The following ABHD2 variants were observed in gnomAD, a reference collection of about 807,000 sequenced individuals.
The protein encoded by ABHD2 is monoacylglycerol lipase ABHD2.
ABHD2 carries 20 observed loss-of-function variants against 48.1 expected under a neutral mutation model. That is an observed-to-expected ratio of 0.42 (90% CI 0.29 to 0.60). The LOEUF (loss-of-function observed/expected upper bound fraction) is 0.60. ABHD2 is among the 20% of genes least tolerant of loss of function. The pLI, the probability that ABHD2 is intolerant of heterozygous loss-of-function variation, is 0.24. For synonymous variants in ABHD2, 209 were observed against 214.2 expected (o/e 0.98, Z 0.21); for missense variants, 405 against 550.9 (o/e 0.74, Z 2.65).
chr15:89,118,114 AG>A (rs1345838483), intron 3 of ABHD2, among the ~76,000 whole-genome samples: 2 of 152,144 alleles, frequency 1.3e-5, no homozygotes, highest in African/African-American at 4.8e-5. Flanking sequence ...AGCTCTGTAA[AG>A]GGTGTGCACG....
chr15:89,127,617 T>C (rs2050148957), intron 3 of ABHD2, among the ~76,000 whole-genome samples: 2 of 151,148 alleles, frequency 1.3e-5, no homozygotes, highest in South Asian at 4.1e-4. Flanking sequence ...TTTTAAAATG[T>C]TGACACCTGC....
Position 89,175,692 on chromosome 15 carries a change from C to A in ABHD2, c.539-120C>A. 2.0e-6 allele frequency: 2 copies of A among 1,015,158 alleles called. No individual in the cohort carries two copies. The highest frequency in any genetic ancestry group is 3.0e-6 in the Non-Finnish European group (2 of 664,262). 62.9% of individuals were successfully genotyped at this position (1,015,158 alleles called of 1,614,324 possible). On this transcript the variant is annotated intron_variant, in intron 5 of 10. Coordinates refer to ENST00000352732, the MANE Select transcript of ABHD2 (RefSeq NM_152924.5). The surrounding 1 kb of genome is among the most constrained non-coding windows in gnomAD (Gnocchi z 5.7). Reference sequence around the variant, plus strand: ...CCCCCGACACACACACGTATATATACACATATATATTTCTCTCTCTTTTAG... The same window carrying A: ...CCCCCGACACACACACGTATATATAAACATATATATTTCTCTCTCTTTTAG...
intron 3 of ABHD2, among the ~76,000 whole-genome samples, chr15:89,150,859 C>T (rs1394944764): frequency 6.6e-6 from 1 of 152,220 alleles, no homozygotes; most frequent in African/African-American, 2.4e-5. Context: ...GTGAAACCAA[C>T]AGCGGTTTCA....
chr15:89,119,962 G>T (rs1404085811), intron 3 of ABHD2, among the ~76,000 whole-genome samples: 1 of 152,180 alleles, frequency 6.6e-6, no homozygotes, highest in Non-Finnish European at 1.5e-5. Context: ...AGGCTGGAAA[G>T]TTCTGTTAAC....
chr15:89,094,043 C>T lies in ABHD2; in HGVS notation c.-107+5480C>T, dbSNP rs1417455125. 6.6e-6 allele frequency: 1 copy of T among 152,198 alleles called. No individual in the cohort carries two copies. Among genetic ancestry groups the T allele is most frequent in the Non-Finnish European group, 1.5e-5 (1 of 68,060 alleles). The allele number at this position is 152,198 out of a possible 1,614,324, so 9.4% of individuals were successfully genotyped here. ...GGAATCTTTAGTCTATTAGTCTAAT[C>T]TAGAGTCCTTACCTTCTGGCCTTTG... On this transcript the variant is annotated intron_variant, in intron 1 of 10. Coordinates refer to ENST00000352732, the MANE Select transcript of ABHD2 (RefSeq NM_152924.5). This position sits in a 1 kb window ranked among gnomAD's most constrained non-coding sequence, Gnocchi z 4.7.
At chr15:89,075,871 G>T in the ABHD2 span, among the ~76,000 whole-genome samples, 2 of 152,226 alleles carry the variant, frequency 1.3e-5, no homozygotes, top group African/African-American at 4.8e-5. The surrounding 1 kb of genome is among the most constrained non-coding windows in gnomAD (Gnocchi z 4.1). Context: ...TGCTTCCCAA[G>T]CAGGGGGCCT....
Position 89,160,508 on chromosome 15 carries a change from T to A in ABHD2, c.538+4974T>A, listed in dbSNP as rs1567097264. On this transcript the variant is annotated intron_variant, in intron 5 of 10. Coordinates refer to ENST00000352732, the MANE Select transcript of ABHD2 (RefSeq NM_152924.5). The stretch of plus-strand genomic sequence containing the variant: ...TGCCTACCTGTTTTTTTTTTTTCTT[T>A]TTTCATTTGAACCAAAGAATTATTG... 2.0e-5 allele frequency among the ~76,000 whole-genome samples: 3 copies of A among 152,302 alleles called. No individual in the cohort carries two copies. The South Asian group carries it at 6.2e-4, about 32-fold the overall frequency.
rs1471724014 is a variant in ABHD2 at position 89,177,984 on chromosome 15, AAAG to A, written c.722+1993_722+1995del. On this transcript the variant is annotated intron_variant, in intron 6 of 10. Coordinates refer to ENST00000352732, the MANE Select transcript of ABHD2 (RefSeq NM_152924.5). The surrounding 1 kb of genome is among the most constrained non-coding windows in gnomAD (Gnocchi z 5.6). ...CAAGCTAAGGTGTTTGAACTAAGGC[AAAG>A]AAGGCTCAAGAAGCTAGAAAACTAA... is the stretch of plus-strand genomic sequence containing the variant. 1.3e-5 allele frequency among the ~76,000 whole-genome samples: 2 copies of A among 152,256 alleles called. No homozygotes were observed. Among genetic ancestry groups the A allele is most frequent in the South Asian group, 2.1e-4 (1 of 4,834 alleles).
chr15:89,151,797 T>C lies in ABHD2; in HGVS notation c.315T>C (p.Asp105=), dbSNP rs770557787. ...ACCGGAAGTTCATCACTATGTCTGA[T>C]GGAGCCACTTCTACATTCGACCTCT... The part of the protein sequence containing the change: ...YGHRKFITMS[D]GATSTFDLFE... Residue 105 remains aspartate (D), a synonymous_variant, in exon 4 of 11, where the codon GAT becomes GAC. Transcript: ENST00000352732. This position sits in a 1 kb window ranked among gnomAD's most constrained non-coding sequence, Gnocchi z 4.7. The C allele has an allele frequency of 8.7e-6, 14 of 1,614,130 alleles. No individual in the cohort carries two copies. In the East Asian group the frequency reaches 2.7e-4, roughly 31 times the overall value.
chr15:89,110,554 C>A (rs544270727), intron 1 of ABHD2, among the ~76,000 whole-genome samples: 1 of 151,842 alleles, frequency 6.6e-6, no homozygotes, highest in South Asian at 2.1e-4. Context: ...ACATAAATTT[C>A]TTTTCTCCCT....
the ABHD2 span, among the ~76,000 whole-genome samples, chr15:89,076,004 A>G: frequency 2.0e-5 from 3 of 152,362 alleles, no homozygotes; most frequent in South Asian, 6.2e-4. Flanking sequence ...GGAGGAGTAG[A>G]GGAAGAGAGA....
At chr15:89,109,260 G>A (rs1286934362) in intron 1 of ABHD2, among the ~76,000 whole-genome samples, 1 of 152,212 alleles carries the variant, frequency 6.6e-6, no homozygotes, top group East Asian at 1.9e-4. Flanking sequence ...GCAACACTGG[G>A]AGCTCCTTTG....
At chr15:89,190,057 C>T (rs1274045506) in intron 8 of ABHD2, among the ~76,000 whole-genome samples, 1 of 152,140 alleles carries the variant, frequency 6.6e-6, no homozygotes, top group Admixed American at 6.5e-5. Context: ...TGGCCTCCAC[C>T]CTGTCAAGAG....
chr15:89,190,016 G>A (rs2238313), intron 8 of ABHD2, among the ~76,000 whole-genome samples: 55,185 of 151,868 alleles, frequency 0.36, 10,728 homozygotes, highest in East Asian at 0.66. Context: ...GATTTCACAA[G>A]GACAGGCATC....
chr15:89,195,095 G>A lies in ABHD2; in HGVS notation c.1082-132G>A. 9.6e-6 allele frequency: 9 copies of A among 940,118 alleles called. No individual in the cohort carries two copies. The highest frequency in any genetic ancestry group is 1.4e-5 in the Non-Finnish European group (9 of 627,078). The allele number at this position is 940,118 out of a possible 1,614,324, so 58.2% of individuals were successfully genotyped here. ...CCCTCTTTGGTGAACAAGGCAGAGT[G>A]AGTAGAGGTTGGATGCCCACTTAGG... is the stretch of plus-strand genomic sequence containing the variant. On this transcript the variant is annotated intron_variant, in intron 10 of 10. Transcript: ENST00000352732. This position sits in a 1 kb window ranked among gnomAD's most constrained non-coding sequence, Gnocchi z 5.1.
At chr15:89,128,278 G>A (rs1023274858) in intron 3 of ABHD2, among the ~76,000 whole-genome samples, 1 of 152,192 alleles carries the variant, frequency 6.6e-6, no homozygotes, top group Admixed American at 6.5e-5. Context: ...TAGGAGAGAA[G>A]GCACAGATGT....
the ABHD2 span, among the ~76,000 whole-genome samples, chr15:89,041,754 C>G: frequency 2.0e-5 from 3 of 152,202 alleles, no homozygotes; most frequent in African/African-American, 7.2e-5. Flanking sequence ...CCCTGCTGAC[C>G]AGGCATGACA....
rs1392112555 is a variant in ABHD2, at chr15:89,174,554, T to C, written c.539-1258T>C. Among the ~76,000 whole-genome samples the C allele has an allele frequency of 6.6e-6, 1 of 152,154 alleles. No individual in the cohort carries two copies. Among genetic ancestry groups the C allele is most frequent in the Non-Finnish European group, 1.5e-5 (1 of 68,024 alleles). On this transcript the variant is annotated intron_variant, in intron 5 of 10. Transcript: ENST00000352732. The surrounding 1 kb of genome is among the most constrained non-coding windows in gnomAD (Gnocchi z 4.1). Reference sequence around the variant, plus strand: ...GATATAAGGGGAGTTTACCCCAGGCTCAAAAGATACTTTCCCCCATGGCTT... The same window carrying C: ...GATATAAGGGGAGTTTACCCCAGGCCCAAAAGATACTTTCCCCCATGGCTT...
At chr15:89,143,179 C>CT (rs374891371) in intron 3 of ABHD2, among the ~76,000 whole-genome samples, 1 of 152,270 alleles carries the variant, frequency 6.6e-6, no homozygotes, top group African/African-American at 2.4e-5. Flanking sequence ...GTCCAATTCT[C>CT]TAAGTTCAAT....
Sources: gnomAD v4.1 joint callset for allele counts (sites outside exome capture counted in the v4.1 genomes callset) on GRCh38, gnomAD v4.1.1 for gene constraint, Gnocchi (gnomAD v3.1) non-coding constraint, MANE v1.5 for transcripts, NCBI Gene and HGNC (gene_info 2026-07-23, HGNC 2026-07-21) for gene names.